TTC28: variants seen among roughly 807,000 people sequenced by gnomAD.
TTC28 encodes tetratricopeptide repeat domain 28.
A neutral mutation model predicts 198.0 loss-of-function variants in TTC28; 61 were observed. The ratio of observed to expected loss-of-function variants is 0.31; its 90% CI spans 0.25 to 0.38. The LOEUF (loss-of-function observed/expected upper bound fraction) is 0.38, where lower values mean the gene tolerates loss of function less well. TTC28 is among the 10% of genes least tolerant of loss of function. TTC28 has a pLI of 1.00. For synonymous variants in TTC28, 1,171 were observed against 1,297.8 expected (o/e 0.90, Z 2.10); for missense variants, 2,678 against 3,164.0 (o/e 0.85, Z 3.69).
intron 2 of TTC28, among the ~76,000 whole-genome samples, chr22:28,383,715 A>C (rs937783044): frequency 2.6e-5 from 4 of 152,132 alleles, no homozygotes; most frequent in African/African-American, 9.7e-5. Context: ...TCACCACTCT[A>C]TTGCTACCAC....
intron 1 of TTC28, among the ~76,000 whole-genome samples, chr22:28,642,197 T>C (rs2051378707): frequency 6.6e-6 from 1 of 151,568 alleles, no homozygotes; most frequent in Non-Finnish European, 1.5e-5. Flanking sequence ...ATAAAATCAT[T>C]TTTAAATTTG....
intron 2 of TTC28, among the ~76,000 whole-genome samples, chr22:28,384,067 C>G (rs945534553): frequency 6.6e-5 from 10 of 152,106 alleles, no homozygotes; most frequent in Non-Finnish European, 1.3e-4. Flanking sequence ...GGGCTTTTAC[C>G]CCAATGGTCC....
At chr22:28,064,656 C>A (rs1313111375) in intron 12 of TTC28, among the ~76,000 whole-genome samples, 3 of 152,008 alleles carry the variant, frequency 2.0e-5, no homozygotes, top group East Asian at 1.9e-4. Context: ...TATACCCCTC[C>A]CCCAAATAAC....
chr22:28,158,813 T>C (rs1943817790), intron 6 of TTC28, among the ~76,000 whole-genome samples: 2 of 152,158 alleles, frequency 1.3e-5, no homozygotes, highest in Admixed American at 6.5e-5. Flanking sequence ...GAAAGTACTA[T>C]AAGAAAACAT....
At chr22:28,011,617 C>T (rs1018776473) in intron 14 of TTC28, among the ~76,000 whole-genome samples, 1 of 151,942 alleles carries the variant, frequency 6.6e-6, no homozygotes, top group Non-Finnish European at 1.5e-5. Context: ...TGTATTTTTT[C>T]AATCCATGGT....
intron 5 of TTC28, among the ~76,000 whole-genome samples, chr22:28,264,702 A>G (rs1931562224): frequency 6.6e-6 from 1 of 152,176 alleles, no homozygotes; most frequent in South Asian, 2.1e-4. Flanking sequence ...AATGTTAAAA[A>G]CTGCCAGGTT....
intron 2 of TTC28, among the ~76,000 whole-genome samples, chr22:28,418,242 A>G (rs1026614235): frequency 6.6e-6 from 1 of 152,160 alleles, no homozygotes; most frequent in African/African-American, 2.4e-5. Flanking sequence ...CCCTAAAGCC[A>G]CTGTGTAATT....
At chr22:28,245,460 G>A (rs1217865855) in intron 5 of TTC28, among the ~76,000 whole-genome samples, 1 of 152,116 alleles carries the variant, frequency 6.6e-6, no homozygotes, top group Non-Finnish European at 1.5e-5. Flanking sequence ...CAGTTTTATA[G>A]ATGAGGAGGC....
At chr22:28,223,924 T>C (rs573552517) in intron 5 of TTC28, among the ~76,000 whole-genome samples, 1 of 152,322 alleles carries the variant, frequency 6.6e-6, no homozygotes, top group East Asian at 1.9e-4. Flanking sequence ...TGACTAATAT[T>C]TGTACAGACT....
intron 2 of TTC28, among the ~76,000 whole-genome samples, chr22:28,603,200 C>T (rs1470931150): frequency 6.6e-6 from 1 of 151,820 alleles, no homozygotes; most frequent in African/African-American, 2.4e-5. Context: ...TTCTTAGAAG[C>T]CTTGCTGGAC....
intron 2 of TTC28, among the ~76,000 whole-genome samples, chr22:28,619,656 T>C (rs1156344005): frequency 6.6e-6 from 1 of 152,228 alleles, no homozygotes; most frequent in Non-Finnish European, 1.5e-5. Flanking sequence ...TGCATAGATT[T>C]CAAAAAATTT....
rs940239436 is a variant in TTC28 at position 28,552,793 on chromosome 22, G to A, written c.381+76759C>T. Among the ~76,000 whole-genome samples the A allele has an allele frequency of 3.5e-4, 24 of 68,880 alleles. No homozygotes were observed. In the Middle Eastern group the frequency reaches 0.022, roughly 62 times the overall value. The allele number at this position is 68,880 out of a possible 152,430, so 45.2% of individuals were successfully genotyped here. A position where few individuals can be genotyped will look rare whatever the true frequency, so the allele number is the denominator to read the frequency against. ...CCCCTCCCCCTCCCCCTCTCCCCAC[G>A]GTCTCCCTCTCCCTCTCTTTCCACG... On this transcript the variant is annotated intron_variant, in intron 2 of 22. Transcript: ENST00000397906.
intron 15 of TTC28, chr22:27,999,886 T>C (rs1421866227): frequency 6.6e-6 from 1 of 152,240 alleles, no homozygotes; most frequent in Non-Finnish European, 1.5e-5. Context: ...TTGGGAAACA[T>C]TAAGTATGAA....
intron 12 of TTC28, among the ~76,000 whole-genome samples, chr22:28,038,996 C>T (rs185319110): frequency 5.9e-5 from 9 of 152,186 alleles, no homozygotes; most frequent in Admixed American, 1.3e-4. Context: ...GTTAGAATGG[C>T]GATCATCAAA....
chr22:28,591,022 CACACACACACACACACACATATATATAT>C (rs1439916204), intron 2 of TTC28, among the ~76,000 whole-genome samples: 68 of 70,112 alleles, frequency 9.7e-4, no homozygotes, highest in Admixed American at 3.7e-3. Context: ...CACACACACA[CACACACACACACACACACATATATATAT>C]ATATATATAT....
At chr22:28,309,771 A>C (rs139664446) in intron 2 of TTC28, among the ~76,000 whole-genome samples, 225 of 152,214 alleles carry the variant, frequency 1.5e-3, no homozygotes, top group African/African-American at 5.2e-3. Context: ...CCAAACATAC[A>C]CCACATACTG....
At chr22:28,279,527 C>T (rs764331325) in intron 5 of TTC28, among the ~76,000 whole-genome samples, 4 of 152,084 alleles carry the variant, frequency 2.6e-5, no homozygotes, top group East Asian at 1.9e-4. Context: ...TGTGCCACCA[C>T]GCCTGGCTAA....
chr22:28,113,467 G>C (rs777531848), intron 6 of TTC28, among the ~76,000 whole-genome samples: 110 of 152,294 alleles, frequency 7.2e-4, no homozygotes, highest in Non-Finnish European at 9.8e-4. Flanking sequence ...GAAAGTAATG[G>C]AGATTCGTCT....
intron 5 of TTC28, among the ~76,000 whole-genome samples, chr22:28,186,337 C>T (rs1037974238): frequency 4.6e-5 from 7 of 152,070 alleles, no homozygotes; most frequent in Admixed American, 3.9e-4. Flanking sequence ...TGCAAAGATA[C>T]GGAATGAAAA....
Sources: allele counts gnomAD v4.1 joint callset (sites outside exome capture counted in the v4.1 genomes callset), GRCh38; gene constraint gnomAD v4.1.1; transcripts MANE v1.5; gene names NCBI Gene and HGNC (gene_info 2026-07-23, HGNC 2026-07-21).